The following NSD2 variants were observed in gnomAD, a reference collection of about 807,000 sequenced individuals.
The protein encoded by NSD2 is histone-lysine N-methyltransferase NSD2.
A neutral mutation model predicts 139.0 loss-of-function variants in NSD2; 12 were observed. The observed-to-expected ratio is 0.09, with a 90% CI of 0.06 to 0.14. NSD2 has a LOEUF of 0.14. Among genes scored for constraint, NSD2 ranks in the 10% least tolerant of loss-of-function variants. The pLI is 1.00. For synonymous variants in NSD2, 669 were observed against 648.7 expected (o/e 1.03, Z -0.48); for missense variants, 1,155 against 1,745.0 (o/e 0.66, Z 6.02).
At chr4:1,872,010 G>C (rs1248198426) in intron 1 of NSD2, among the ~76,000 whole-genome samples, 4 of 150,790 alleles carry the variant, frequency 2.7e-5, no homozygotes, top group Non-Finnish European at 1.5e-5. Context: ...CCCCCGGTCC[G>C]GGGCGGCCGC....
At chr4:1,938,412 C>CTTTGTTTTTTTTTTTTTTTTTTTTTT in intron 7 of NSD2, 39 bp from the exon 8 acceptor site, 2 of 635,584 alleles carry the variant, frequency 3.1e-6, no homozygotes, top group Non-Finnish European at 4.0e-6. Flanking sequence ...TTTTTTTTTT[C>CTTTGTTTTTTTTTTTTTTTTTTTTTT]TTTCTTTTTT....
rs1723886181 is a variant in NSD2, at chr4:1,948,604, A to G, written c.1882-2468A>G. On this transcript the variant is annotated intron_variant, in intron 9 of 21. Coordinates refer to ENST00000508803, the MANE Select transcript of NSD2 (RefSeq NM_001042424.3). The surrounding 1 kb of genome is among the most constrained non-coding windows in gnomAD (Gnocchi z 4.5). The stretch of plus-strand genomic sequence containing the variant: ...CTCTGCAATCTGTGTCATGGACTGT[A>G]CTATTGTAAGGTCTATATTCTGTAT... 2.8e-6 allele frequency: 3 copies of G among 1,063,038 alleles called. No homozygotes were observed. The highest frequency in any genetic ancestry group is 3.4e-6 in the Non-Finnish European group (3 of 876,924). 65.9% of individuals were successfully genotyped at this position (1,063,038 alleles called of 1,614,324 possible).
intron 1 of NSD2, among the ~76,000 whole-genome samples, chr4:1,878,632 C>A (rs1714479625): frequency 1.3e-5 from 2 of 152,098 alleles, no homozygotes. Context: ...TGAATACATA[C>A]ACAGCCCTCA....
At chr4:1,890,342 A>T (rs1715435025) in intron 1 of NSD2, among the ~76,000 whole-genome samples, 1 of 151,484 alleles carries the variant, frequency 6.6e-6, no homozygotes, top group African/African-American at 2.4e-5. Flanking sequence ...TCTGTCGCCT[A>T]GGCTGGAGTG....
At position 1,976,890 on chromosome 4, in the gene NSD2, G is replaced by A. The variant is rs1028618931; in HGVS notation, c.3826+211G>A. On this transcript the variant is annotated intron_variant, in intron 21 of 21. Transcript: ENST00000508803. This position sits in a 1 kb window ranked among gnomAD's most constrained non-coding sequence, Gnocchi z 5.3. ...TCTCTGCATCGAGCAGAGAAGATATGTGGTGACGGGGTAGCCCCTGGAACC... is the reference window on the plus strand; with the variant it reads ...TCTCTGCATCGAGCAGAGAAGATATATGGTGACGGGGTAGCCCCTGGAACC... Among the ~76,000 whole-genome samples, 16 of 152,372 alleles carry A rather than the reference G, an allele frequency of 1.1e-4. No homozygotes were observed. The highest frequency in any genetic ancestry group is 3.9e-4 in the East Asian group (2 of 5,180).
intron 3 of NSD2, among the ~76,000 whole-genome samples, chr4:1,907,072 G>C (rs952000806): frequency 6.6e-6 from 1 of 152,142 alleles, no homozygotes; most frequent in Non-Finnish European, 1.5e-5. Flanking sequence ...TGGGACTCAG[G>C]AATCAGCCTG....
At chr4:1,877,390 GTC>G (rs887806504) in intron 1 of NSD2, among the ~76,000 whole-genome samples, 8 of 152,270 alleles carry the variant, frequency 5.3e-5, no homozygotes, top group African/African-American at 1.9e-4. Flanking sequence ...TTCAAGACGA[GTC>G]TCTCACTGGC....
chr4:1,938,445 T>TAA lies in NSD2; in HGVS notation c.1675-5_1675-4dup. The stretch of plus-strand genomic sequence containing the variant: ...TTTTTTTTTTTTTTTTTTTTTTAAA[T>TAA]AATAGAGAGACACAATCACTGACAA... On this transcript the variant is annotated splice_region_variant and splice_polypyrimidine_tract_variant and intron_variant, in intron 7 of 21. Transcript: ENST00000508803. The TAA allele has an allele frequency of 2.1e-6, 2 of 942,896 alleles. No individual in the cohort carries two copies. Among genetic ancestry groups the TAA allele is most frequent in the Non-Finnish European group, 3.2e-6 (2 of 631,806 alleles). The allele number at this position is 942,896 out of a possible 1,614,324, so 58.4% of individuals were successfully genotyped here.
chr4:1,905,087 G>A (rs561255153), intron 3 of NSD2, among the ~76,000 whole-genome samples: 33 of 152,050 alleles, frequency 2.2e-4, no homozygotes, highest in African/African-American at 7.5e-4. Flanking sequence ...CCGAGATCGC[G>A]CCATTGCACT....
intron 7 of NSD2, 27 bp from the exon 8 acceptor site, chr4:1,938,424 T>TC: frequency 8.9e-7 from 1 of 1,124,528 alleles, no homozygotes; most frequent in Admixed American, 3.6e-5. Context: ...TTCTTTTTTT[T>TC]TTTTTTTTTT....
chr4:1,910,835 G>T (rs1430087486), intron 3 of NSD2, among the ~76,000 whole-genome samples: 2 of 152,084 alleles, frequency 1.3e-5, no homozygotes, highest in African/African-American at 4.8e-5. Context: ...CTATTTTGGG[G>T]CTCTGGTGCC....
At chr4:1,943,368 C>T in intron 9 of NSD2, 1 of 1,043,098 alleles carries the variant, frequency 9.6e-7, no homozygotes, top group Non-Finnish European at 1.2e-6. Context: ...CTTAGGGTGC[C>T]TGGCCAGGAC....
chr4:1,922,654 G>C (rs959801999), intron 5 of NSD2, among the ~76,000 whole-genome samples: 1 of 152,192 alleles, frequency 6.6e-6, no homozygotes, highest in Admixed American at 6.5e-5. Context: ...GGCCAGGTGT[G>C]GTGGCTTACG....
In NSD2 at chr4:1,972,753, G is replaced by A. The variant is rs1726628531; in HGVS notation, c.3373-2110G>A. 6.6e-6 allele frequency among the ~76,000 whole-genome samples: 1 copy of A among 152,248 alleles called. No individual in the cohort carries two copies. Among genetic ancestry groups the A allele is most frequent in the African/African-American group, 2.4e-5 (1 of 41,464 alleles). On this transcript the variant is annotated intron_variant, in intron 18 of 21. Coordinates refer to ENST00000508803, the MANE Select transcript of NSD2 (RefSeq NM_001042424.3). This position sits in a 1 kb window ranked among gnomAD's most constrained non-coding sequence, Gnocchi z 4.0. The stretch of plus-strand genomic sequence containing the variant: ...AAACCGAAAACGCATGAAGCAAAAG[G>A]GTAAAATAGTTGCATAAGGCGGAGG...
intron 2 of NSD2, among the ~76,000 whole-genome samples, 187 bp downstream of exon 2, chr4:1,901,438 C>T (rs900385650): frequency 1.3e-5 from 2 of 152,150 alleles, no homozygotes; most frequent in African/African-American, 2.4e-5. Flanking sequence ...GGCACTGCCT[C>T]CTCAGTTCTC....
rs1724483109 is a variant in NSD2 at position 1,953,409 on chromosome 4, G to A, written c.2223G>A (p.Glu741=). The change falls in exon 12 of 22, where the codon GAG becomes GAA. Residue 741 remains glutamate (E), a synonymous_variant. Coordinates refer to ENST00000508803, the MANE Select transcript of NSD2 (RefSeq NM_001042424.3). ...VVTQCGKFYH[E]ACVKKYPLTV... ...CTCAGTGTGGAAAATTTTACCATGAGGCTTGTGTGAAAAAATACCCTCTGA... is the reference window on the plus strand; with the variant it reads ...CTCAGTGTGGAAAATTTTACCATGAAGCTTGTGTGAAAAAATACCCTCTGA... The A allele has an allele frequency of 6.2e-7, 1 of 1,614,062 alleles. No homozygotes were observed. The highest frequency in any genetic ancestry group is 8.5e-7 in the Non-Finnish European group (1 of 1,180,030).
intron 9 of NSD2, 22 bp downstream of exon 9, chr4:1,939,800 T>A (rs764690024): frequency 3.7e-6 from 6 of 1,614,020 alleles, no homozygotes; most frequent in Admixed American, 1.7e-5. Context: ...ATAATAACGA[T>A]AACCATGGCA....
chr4:1,906,860 C>T (rs1717985462), intron 3 of NSD2, among the ~76,000 whole-genome samples: 1 of 151,666 alleles, frequency 6.6e-6, no homozygotes, highest in Admixed American at 6.6e-5. Context: ...GGGGTTTCAC[C>T]ATATTGGCCA....
intron 8 of NSD2, among the ~76,000 whole-genome samples, 185 bp downstream of exon 8, chr4:1,938,717 C>G (rs1235704339): frequency 6.6e-6 from 1 of 152,104 alleles, no homozygotes; most frequent in Non-Finnish European, 1.5e-5. Context: ...GAAAACTAAA[C>G]TGTTTTAATG....
Sources: gnomAD v4.1 joint callset for allele counts (sites outside exome capture counted in the v4.1 genomes callset) on GRCh38, gnomAD v4.1.1 for gene constraint, Gnocchi (gnomAD v3.1) non-coding constraint, MANE v1.5 for transcripts, NCBI Gene and HGNC (gene_info 2026-07-23, HGNC 2026-07-21) for gene names.